The following DOK6 variants were observed in gnomAD, a reference collection of about 807,000 sequenced individuals.
DOK6 encodes the protein docking protein 6.
A neutral mutation model predicts 44.0 loss-of-function variants in DOK6; 22 were observed. That is an observed-to-expected ratio of 0.50 (90% CI 0.36 to 0.71). The LOEUF is 0.71. Ranked by LOEUF, DOK6 falls within the 30% of genes least tolerant of loss-of-function variation. DOK6 has a pLI of 0.00. For missense variants in DOK6, 340 were observed against 416.4 expected (o/e 0.82, Z 1.60); for synonymous variants, 166 against 145.5 (o/e 1.14, Z -1.01).
At chr18:69,459,882 A>C (rs1369952202) in intron 1 of DOK6, among the ~76,000 whole-genome samples, 1 of 152,352 alleles carries the variant, frequency 6.6e-6, no homozygotes, top group South Asian at 2.1e-4. Flanking sequence ...ATGTGTGGGT[A>C]AAAGTTGTTG....
chr18:69,774,638 A>G (rs568885799), intron 7 of DOK6, among the ~76,000 whole-genome samples: 3 of 152,090 alleles, frequency 2.0e-5, no homozygotes, highest in South Asian at 4.1e-4. Flanking sequence ...AAAATGAGAG[A>G]GTTGTAGGAT....
intron 1 of DOK6, among the ~76,000 whole-genome samples, chr18:69,548,242 C>T (rs184304375): frequency 6.6e-6 from 1 of 151,316 alleles, no homozygotes; most frequent in Non-Finnish European, 1.5e-5. Flanking sequence ...CGTGAGCCAC[C>T]GCGCCTGCCC....
intron 1 of DOK6, among the ~76,000 whole-genome samples, chr18:69,445,996 G>A (rs998054283): frequency 2.7e-5 from 4 of 150,786 alleles, no homozygotes; most frequent in African/African-American, 4.9e-5. Flanking sequence ...TCTTTTTTTC[G>A]TGGTCAGTCT....
At chr18:69,573,164 A>G (rs1983157055) in intron 2 of DOK6, among the ~76,000 whole-genome samples, 1 of 151,828 alleles carries the variant, frequency 6.6e-6, no homozygotes, top group Non-Finnish European at 1.5e-5. Flanking sequence ...ATGAGTATTG[A>G]TATAAGTAGG....
intron 3 of DOK6, among the ~76,000 whole-genome samples, chr18:69,611,570 T>A (rs968575502): frequency 1.8e-4 from 28 of 151,490 alleles, no homozygotes; most frequent in African/African-American, 6.1e-4. Context: ...AGCCCCAAAC[T>A]GGAAAGAACT....
At chr18:69,550,953 T>G (rs1982551704) in intron 1 of DOK6, among the ~76,000 whole-genome samples, 1 of 151,954 alleles carries the variant, frequency 6.6e-6, no homozygotes, top group Admixed American at 6.5e-5. Context: ...CCGGCTAATT[T>G]TTGTGTTTTT....
At chr18:69,677,370 GTATA>G (rs10659444) in intron 3 of DOK6, among the ~76,000 whole-genome samples, 13 of 149,230 alleles carry the variant, frequency 8.7e-5, no homozygotes, top group East Asian at 2.0e-4. Context: ...ATATGTGTGT[GTATA>G]TATATATATA....
At chr18:69,515,858 A>G (rs1363909903) in intron 1 of DOK6, among the ~76,000 whole-genome samples, 2 of 151,720 alleles carry the variant, frequency 1.3e-5, no homozygotes, top group South Asian at 4.2e-4. Flanking sequence ...AAATGTTACA[A>G]TTGGAGGATG....
intron 1 of DOK6, among the ~76,000 whole-genome samples, chr18:69,519,048 C>T (rs1334562762): frequency 1.3e-5 from 2 of 151,862 alleles, no homozygotes; most frequent in Non-Finnish European, 2.9e-5. Context: ...AGAAAATTAC[C>T]AACAGCATAT....
intron 1 of DOK6, among the ~76,000 whole-genome samples, chr18:69,469,292 A>T (rs1456636574): frequency 6.6e-6 from 1 of 152,222 alleles, no homozygotes; most frequent in Non-Finnish European, 1.5e-5. Flanking sequence ...AGTAATTATT[A>T]GATTTATACA....
chr18:69,771,732 C>T (rs919154610), intron 7 of DOK6, among the ~76,000 whole-genome samples: 2 of 151,810 alleles, frequency 1.3e-5, no homozygotes, highest in Non-Finnish European at 2.9e-5. Flanking sequence ...TATCCATTTA[C>T]CACCTATGCA....
chr18:69,510,569 A>C (rs1981338805), intron 1 of DOK6, among the ~76,000 whole-genome samples: 1 of 152,198 alleles, frequency 6.6e-6, no homozygotes, highest in South Asian at 2.1e-4. Context: ...GATTTTATGA[A>C]TGGCCATTAC....
chr18:69,777,005 G>A (rs376535792), intron 7 of DOK6, among the ~76,000 whole-genome samples: 2 of 98,662 alleles, frequency 2.0e-5, no homozygotes, highest in Admixed American at 1.0e-4. Context: ...GTTGTTGGGT[G>A]GGGGGAGGGA....
At chr18:69,544,072 C>T (rs1174991483) in intron 1 of DOK6, among the ~76,000 whole-genome samples, 4 of 146,836 alleles carry the variant, frequency 2.7e-5, no homozygotes, top group Non-Finnish European at 6.1e-5. Context: ...GCCTGGCCAA[C>T]ATAGTGAAAC....
Position 69,738,201 on chromosome 18 carries a change from G to A in DOK6, c.600-764G>A, listed in dbSNP as rs542397533. On this transcript the variant is annotated intron_variant, in intron 5 of 7. Coordinates refer to ENST00000382713, the MANE Select transcript of DOK6 (RefSeq NM_152721.6). ...GAGAAGAATCTAAAATCTTTTTGGT[G>A]CTTAAAGAAATAGTTATCCTCATGA... Among the ~76,000 whole-genome samples, 7 of 152,224 alleles carry A rather than the reference G, an allele frequency of 4.6e-5. No homozygotes were observed. The South Asian group carries it at 1.5e-3, about 32-fold the overall frequency.
chr18:69,554,322 G>A (rs1044504105), intron 1 of DOK6, among the ~76,000 whole-genome samples: 6 of 152,184 alleles, frequency 3.9e-5, no homozygotes, highest in East Asian at 1.9e-4. Flanking sequence ...TGCTGATTAC[G>A]ATGGAAGCCA....
chr18:69,735,915 C>T (rs1303266720), intron 5 of DOK6, among the ~76,000 whole-genome samples: 1 of 152,226 alleles, frequency 6.6e-6, no homozygotes, highest in Admixed American at 6.5e-5. Flanking sequence ...TTAACCCCTT[C>T]CTGCCCACTA....
chr18:69,462,391 T>G (rs1296018627), intron 1 of DOK6, among the ~76,000 whole-genome samples: 1 of 151,928 alleles, frequency 6.6e-6, no homozygotes, highest in Non-Finnish European at 1.5e-5. Flanking sequence ...TGTGTGTCTG[T>G]GTGTATGTGT....
rs554185908 is a variant in DOK6 at position 69,602,886 on chromosome 18, T to C, written c.289+3388T>C. 2.6e-5 allele frequency among the ~76,000 whole-genome samples: 4 copies of C among 152,332 alleles called. No homozygotes were observed. In the South Asian group the frequency reaches 8.3e-4, roughly 32 times the overall value. The stretch of plus-strand genomic sequence containing the variant: ...ATAACTGGTGTTTGAAAAACTAAAT[T>C]CTTACACCATCCTATTATAGAATGC... On this transcript the variant is annotated intron_variant, in intron 3 of 7. Transcript: ENST00000382713.
Sources: gnomAD v4.1 joint callset for allele counts (sites outside exome capture counted in the v4.1 genomes callset) on GRCh38, gnomAD v4.1.1 for gene constraint, MANE v1.5 for transcripts, NCBI Gene and HGNC (gene_info 2026-07-23, HGNC 2026-07-21) for gene names.